Variants in NCAM2 observed in about 807,000 individuals in gnomAD.
NCAM2 encodes neural cell adhesion molecule 2, also known as N-CAM-2.
NCAM2 carries 30 observed loss-of-function variants against 98.1 expected under a neutral mutation model. That is an observed-to-expected ratio of 0.31 (90% CI 0.23 to 0.41). The LOEUF (loss-of-function observed/expected upper bound fraction) is 0.41, where lower values mean the gene tolerates loss of function less well. Among genes scored for constraint, NCAM2 ranks in the 10% least tolerant of loss-of-function variants. NCAM2 has a pLI of 1.00. For missense variants in NCAM2, 867 were observed against 1,005.8 expected, an observed-to-expected ratio of 0.86 and a Z score of 1.87; for synonymous variants, 368 against 342.4, an observed-to-expected ratio of 1.07 and a Z score of -0.83.
At chr21:21,449,608 T>C (rs1980718919) in intron 12 of NCAM2, among the ~76,000 whole-genome samples, 1 of 151,948 alleles carries the variant, frequency 6.6e-6, no homozygotes, top group Non-Finnish European at 1.5e-5. Flanking sequence ...ACATATACTA[T>C]TGTATTAAAC....
At chr21:21,291,114 T>C (rs2073275770) in intron 4 of NCAM2, among the ~76,000 whole-genome samples, 2 of 151,874 alleles carry the variant, frequency 1.3e-5, no homozygotes. Context: ...CCTTTCTACC[T>C]GATCAAAAAT....
chr21:21,232,121 A>T (rs1389916083), intron 1 of NCAM2, among the ~76,000 whole-genome samples: 1 of 151,394 alleles, frequency 6.6e-6, no homozygotes, highest in East Asian at 1.9e-4. Context: ...ATGATACTTG[A>T]CTCATAGAGA....
At chr21:21,228,181 G>A (rs1225757991) in intron 1 of NCAM2, among the ~76,000 whole-genome samples, 1 of 151,554 alleles carries the variant, frequency 6.6e-6, no homozygotes, top group Non-Finnish European at 1.5e-5. Flanking sequence ...GGTCTCACTA[G>A]TAATCAGACA....
chr21:21,435,181 G>C (rs2077441097), intron 12 of NCAM2, among the ~76,000 whole-genome samples: 1 of 152,148 alleles, frequency 6.6e-6, no homozygotes, highest in Admixed American at 6.5e-5. Context: ...TTGACCAAGA[G>C]AAATGCTCCA....
chr21:21,408,832 T>C (rs191869834), intron 9 of NCAM2, among the ~76,000 whole-genome samples: 1 of 152,034 alleles, frequency 6.6e-6, no homozygotes, highest in East Asian at 1.9e-4. Context: ...CAGACTTGTA[T>C]GTGAGATTGT....
At chr21:21,522,632 C>CTTTTTCTTTT (rs112708539) in intron 16 of NCAM2, among the ~76,000 whole-genome samples, 6 of 124,776 alleles carry the variant, frequency 4.8e-5, no homozygotes, top group Admixed American at 9.0e-5. Flanking sequence ...TTTTCTTTTT[C>CTTTTTCTTTT]TTTTTTTTTT....
At chr21:21,021,241 C>G in intron 1 of NCAM2, among the ~76,000 whole-genome samples, 1 of 151,524 alleles carries the variant, frequency 6.6e-6, no homozygotes, top group Non-Finnish European at 1.5e-5. Context: ...TTAAAGGGGT[C>G]CTTATTAAGA....
chr21:21,415,022 A>T (rs2076961385), intron 10 of NCAM2, among the ~76,000 whole-genome samples: 1 of 151,732 alleles, frequency 6.6e-6, no homozygotes, highest in African/African-American at 2.4e-5. Flanking sequence ...CTGTAAACAG[A>T]TGTTCTGTCA....
chr21:21,078,760 C>A (rs911822040), intron 1 of NCAM2, among the ~76,000 whole-genome samples: 1 of 151,986 alleles, frequency 6.6e-6, no homozygotes. Context: ...GCACTGTTTA[C>A]AATAACAAAC....
intron 15 of NCAM2, among the ~76,000 whole-genome samples, chr21:21,481,028 T>A (rs1985834988): frequency 6.6e-6 from 1 of 152,188 alleles, no homozygotes; most frequent in Non-Finnish European, 1.5e-5. Context: ...TAACCATGGC[T>A]TGGAAACATA....
At chr21:21,266,702 C>A (rs573882333) in intron 1 of NCAM2, among the ~76,000 whole-genome samples, 1 of 151,666 alleles carries the variant, frequency 6.6e-6, no homozygotes. Context: ...AGGGGAACAT[C>A]ACACACCGGG....
chr21:21,458,998 T>C (rs999734451), intron 12 of NCAM2, among the ~76,000 whole-genome samples: 1 of 152,078 alleles, frequency 6.6e-6, no homozygotes, highest in Non-Finnish European at 1.5e-5. Context: ...TACAACTCAA[T>C]AGCACAAAAC....
chr21:21,507,788 CAAAAAA>C (rs35904478), intron 15 of NCAM2, among the ~76,000 whole-genome samples: 2 of 98,104 alleles, frequency 2.0e-5, no homozygotes, highest in Non-Finnish European at 4.3e-5. Flanking sequence ...GACTCCATCT[CAAAAAA>C]AAAAAAAAAA....
chr21:21,388,773 C>A (rs1009487862), intron 9 of NCAM2, among the ~76,000 whole-genome samples: 1 of 152,080 alleles, frequency 6.6e-6, no homozygotes, highest in Admixed American at 6.6e-5. Flanking sequence ...TATATAAAAT[C>A]TAAATGCAGA....
chr21:21,158,513 G>T (rs1172618460), intron 1 of NCAM2, among the ~76,000 whole-genome samples: 7 of 151,776 alleles, frequency 4.6e-5, no homozygotes, highest in Admixed American at 4.6e-4. Context: ...TGGGAGGCAG[G>T]AGAATCGCTT....
At chr21:21,475,876 C>G (rs935360204) in intron 14 of NCAM2, among the ~76,000 whole-genome samples, 1 of 151,946 alleles carries the variant, frequency 6.6e-6, no homozygotes, top group Non-Finnish European at 1.5e-5. Flanking sequence ...AGTTTATTTC[C>G]TTTGTAATAA....
At position 21,433,536 on chromosome 21, in the gene NCAM2, G is replaced by A. The variant is rs563349476; in HGVS notation, c.1654+1255G>A. Among the ~76,000 whole-genome samples the A allele has an allele frequency of 3.2e-4, 49 of 151,558 alleles. No homozygotes were observed. In the East Asian group the frequency reaches 8.0e-3, roughly 25 times the overall value. ...AGGTGGATCATGAGGTCAGGAGACC[G>A]AGACCATCCTGGCTAACATGGCGAA... On this transcript the variant is annotated intron_variant, in intron 12 of 17. Transcript: ENST00000400546.
intron 16 of NCAM2, among the ~76,000 whole-genome samples, chr21:21,521,242 C>G (rs1012207987): frequency 2.0e-5 from 3 of 152,096 alleles, no homozygotes; most frequent in African/African-American, 7.2e-5. Context: ...AGTTTACAGC[C>G]AGAATCACGG....
chr21:21,473,170 C>T (rs9980079), intron 14 of NCAM2, among the ~76,000 whole-genome samples: 1,692 of 151,136 alleles, frequency 0.011, 44 homozygotes, highest in African/African-American at 0.038. Context: ...TGCCTCTACC[C>T]AGGACAGCTC....
Sources: allele counts gnomAD v4.1 joint callset (sites outside exome capture counted in the v4.1 genomes callset), GRCh38; gene constraint gnomAD v4.1.1; transcripts MANE v1.5; gene names NCBI Gene and HGNC (gene_info 2026-07-23, HGNC 2026-07-21).